The following ERI1 variants were observed in gnomAD, a reference collection of about 807,000 sequenced individuals.
ERI1 encodes 3'-5' exoribonuclease 1.
A neutral mutation model predicts 39.7 loss-of-function variants in ERI1; 39 were observed. The observed-to-expected ratio is 0.98, with a 90% CI of 0.76 to 1.28. ERI1 has a LOEUF of 1.28. Ranked by LOEUF, ERI1 falls within the 50% of genes most tolerant of loss-of-function variation. The pLI is 0.00. For synonymous variants in ERI1, 204 were observed against 149.6 expected (o/e 1.36, Z -2.65); for missense variants, 581 against 416.9 (o/e 1.39, Z -3.43).
intron 3 of ERI1, among the ~76,000 whole-genome samples, chr8:9,095,246 T>C (rs546919635): frequency 1.3e-4 from 20 of 152,288 alleles, no homozygotes; most frequent in South Asian, 4.1e-4. Flanking sequence ...TACATGGGTG[T>C]ATTGGGTGAT....
intron 3 of ERI1, among the ~76,000 whole-genome samples, chr8:9,082,833 T>A (rs1472877105): frequency 2.0e-5 from 3 of 151,662 alleles, no homozygotes; most frequent in African/African-American, 7.3e-5. Context: ...ATAGCAAGAG[T>A]CCGGTCTAGT....
intron 3 of ERI1, among the ~76,000 whole-genome samples, chr8:9,044,305 G>A (rs1045386559): frequency 3.9e-5 from 6 of 152,122 alleles, no homozygotes; most frequent in Non-Finnish European, 7.4e-5. Context: ...TCTGATTAGC[G>A]GATAAGTGAT....
chr8:9,029,747 GT>G, intron 6 of ERI1, 44 bp from the exon 7 acceptor site: 6 of 1,609,954 alleles, frequency 3.7e-6, no homozygotes, highest in Non-Finnish European at 5.1e-6. Flanking sequence ...TTATATTACA[GT>G]TTAGAACACC....
chr8:9,094,100 A>C (rs1187299509), intron 3 of ERI1, among the ~76,000 whole-genome samples: 1 of 152,240 alleles, frequency 6.6e-6, no homozygotes, highest in African/African-American at 2.4e-5. Context: ...TATAGTAGTA[A>C]TTATCAGCAA....
intron 3 of ERI1, among the ~76,000 whole-genome samples, chr8:9,098,549 G>A (rs548661184): frequency 7.1e-4 from 108 of 152,182 alleles, no homozygotes; most frequent in African/African-American, 2.5e-3. Flanking sequence ...GAAGGATACA[G>A]TGGGCTTTGG....
rs769450266 is a variant in ERI1, at chr8:9,016,328, A to G, written c.505A>G (p.Thr169Ala). The change falls in exon 4 of 7, where the codon ACG (threonine) becomes GCG (alanine). Residue 169 changes from threonine (T) to alanine (A), a missense_variant. Transcript: ENST00000250263. ...TGCTATCCTTCCCTTGCAGGAAGAC[A>G]CGTTTCAGCAGTATGTAAGACCAGA... Reference protein sequence around the residue: ...LNTHTLEIEDTFQQYVRPEIN... With the variant: ...LNTHTLEIEDAFQQYVRPEIN... The G allele has an allele frequency of 1.1e-5, 18 of 1,595,980 alleles. No individual in the cohort carries two copies. Among genetic ancestry groups the G allele is most frequent in the Non-Finnish European group, 1.5e-5 (17 of 1,170,940 alleles).
At chr8:9,039,385 A>G (rs1459128744) in intron 3 of ERI1, among the ~76,000 whole-genome samples, 1 of 152,220 alleles carries the variant, frequency 6.6e-6, no homozygotes, top group African/African-American at 2.4e-5. Context: ...GTCATGAATC[A>G]AATCAGACTG....
At chr8:9,050,912 A>G (rs1798336417) in intron 3 of ERI1, among the ~76,000 whole-genome samples, 1 of 152,138 alleles carries the variant, frequency 6.6e-6, no homozygotes, top group Non-Finnish European at 1.5e-5. Context: ...TTGGATGGAA[A>G]TGAGCTTTGT....
chr8:9,043,712 T>G (rs7005133), intron 3 of ERI1, among the ~76,000 whole-genome samples: 62,684 of 152,062 alleles, frequency 0.41, 15,189 homozygotes, highest in East Asian at 0.7. Flanking sequence ...TTATTGGAGA[T>G]ATTATTTTTG....
intron 3 of ERI1, among the ~76,000 whole-genome samples, chr8:9,057,450 C>G (rs998166034): frequency 1.3e-5 from 2 of 152,200 alleles, no homozygotes; most frequent in African/African-American, 4.8e-5. Context: ...TGACCCAGCA[C>G]GTAGCTCACA....
At chr8:9,018,745 T>C (rs569527273) in intron 5 of ERI1, among the ~76,000 whole-genome samples, 1 of 152,340 alleles carries the variant, frequency 6.6e-6, no homozygotes, top group African/African-American at 2.4e-5. Flanking sequence ...ACGCTACCTG[T>C]TTAATCTAAT....
intron 3 of ERI1, among the ~76,000 whole-genome samples, chr8:9,066,933 G>A (rs2921370): frequency 0.81 from 122,840 of 152,076 alleles, 50,670 homozygotes; most frequent in South Asian, 0.9. Context: ...GGTGACAGTC[G>A]TTCCAGCTAC....
chr8:9,022,606 G>T (rs1453718432), intron 6 of ERI1, among the ~76,000 whole-genome samples: 1 of 152,154 alleles, frequency 6.6e-6, no homozygotes, highest in South Asian at 2.1e-4. Flanking sequence ...CGCCATGTTG[G>T]TGAGGCTGGT....
chr8:9,039,981 C>G (rs537336278), intron 3 of ERI1, among the ~76,000 whole-genome samples: 1 of 152,074 alleles, frequency 6.6e-6, no homozygotes, highest in Non-Finnish European at 1.5e-5. Context: ...ATTCCAAGTA[C>G]AATTAAAATA....
At chr8:9,046,863 T>C (rs1257103662) in intron 3 of ERI1, among the ~76,000 whole-genome samples, 3 of 152,080 alleles carry the variant, frequency 2.0e-5, no homozygotes, top group Non-Finnish European at 2.9e-5. Flanking sequence ...ATACAATCAG[T>C]TTTGTGGCAC....
At chr8:9,010,104 AG>A (rs1195550382) in intron 2 of ERI1, among the ~76,000 whole-genome samples, 2 of 152,264 alleles carry the variant, frequency 1.3e-5, no homozygotes, top group Non-Finnish European at 2.9e-5. Flanking sequence ...GAGCCATAGC[AG>A]AAAGAATTAG....
chr8:9,011,689 T>A lies in ERI1; in HGVS notation c.435T>A (p.Pro145=), dbSNP rs9650616. ...CCACTTGTGAAGAAGGAAACCCACC[T>A]GAGTTTGTACATGAAATAATTGAAT... ...FEATCEEGNP[P]EFVHEIIEFP... is the part of the protein sequence containing the mutation. The change falls in exon 3 of 7, where the codon CCT becomes CCA. Residue 145 remains proline, a synonymous_variant. Coordinates refer to ENST00000250263, the MANE Select transcript of ERI1 (RefSeq NM_153332.4). 2.8e-4 allele frequency: 451 copies of A among 1,612,610 alleles called. No individual in the cohort carries two copies. Among genetic ancestry groups the A allele is most frequent in the Non-Finnish European group, 3.5e-4 (414 of 1,179,142 alleles).
chr8:9,036,146 A>G (rs184828258), downstream of ERI1, among the ~76,000 whole-genome samples: 295 of 152,354 alleles, frequency 1.9e-3, 1 homozygote, highest in Non-Finnish European at 3.1e-3. Flanking sequence ...AATGACAGCA[A>G]AGGATTTAGA....
At position 9,060,243 on chromosome 8, in the gene ERI1, G is replaced by T. The variant is rs532058740; in HGVS notation, n.299+39779G>T. ...ATAGAGGTGGGAAGGCCAAACCGAGGAATTATGTCTGACAGAAGGGAAGAA... is the reference window on the plus strand; with the variant it reads ...ATAGAGGTGGGAAGGCCAAACCGAGTAATTATGTCTGACAGAAGGGAAGAA... On this transcript the variant is annotated intron_variant and non_coding_transcript_variant, in intron 3 of 3. Coordinates refer to the ERI1 transcript ENST00000518663. Among the ~76,000 whole-genome samples the T allele has an allele frequency of 2.0e-5, 3 of 152,274 alleles. No individual in the cohort carries two copies. In the South Asian group the frequency reaches 6.2e-4, roughly 32 times the overall value.
Sources: gnomAD v4.1 joint callset for allele counts (sites outside exome capture counted in the v4.1 genomes callset) on GRCh38, gnomAD v4.1.1 for gene constraint, MANE v1.5 for transcripts, NCBI Gene and HGNC (gene_info 2026-07-23, HGNC 2026-07-21) for gene names.